TRPV3: variants seen among roughly 807,000 people sequenced by gnomAD.
TRPV3 encodes VRL-3.
In TRPV3, 88 loss-of-function variants were observed where a neutral mutation model predicts 87.1. The ratio of observed to expected loss-of-function variants is 1.01; its 90% CI spans 0.85 to 1.21. The LOEUF is 1.21. Ranked by LOEUF, TRPV3 falls within the 50% of genes most tolerant of loss-of-function variation. TRPV3 has a pLI of 0.00. For synonymous variants in TRPV3, 438 were observed against 423.3 expected, an observed-to-expected ratio of 1.03 and a Z score of -0.43; for missense variants, 1,054 against 1,030.1, an observed-to-expected ratio of 1.02 and a Z score of -0.32.
At chr17:3,547,829 C>T (rs1021998860) in intron 2 of TRPV3, among the ~76,000 whole-genome samples, 31 of 152,304 alleles carry the variant, frequency 2.0e-4, no homozygotes, top group African/African-American at 7.5e-4. Context: ...GAAGGAGAGA[C>T]GCTGGCCTAT....
chr17:3,535,579 A>G lies in TRPV3; in HGVS notation c.778T>C (p.Tyr260His). 6.2e-7 allele frequency: 1 copy of G among 1,600,378 alleles called. No homozygotes were observed. ...GGGCGGGGGCGGCACCCACCGAAGT[A>G]GAAGCCTTCGTGTTGGTACTTGGGG... is the stretch of plus-strand genomic sequence containing the variant. ...FNPKYQHEGF[Y>H]FGETPLALAA... Residue 260 changes from tyrosine (Y) to histidine (H), a missense_variant, in exon 7 of 18, where the codon TAC (tyrosine) becomes CAC (histidine). By Grantham distance (83) the Tyr-to-His change is moderately conservative. Coordinates refer to ENST00000576742, the MANE Select transcript of TRPV3 (RefSeq NM_145068.4).
At chr17:3,541,192 C>T (rs1012229115) in intron 6 of TRPV3, among the ~76,000 whole-genome samples, 2 of 152,006 alleles carry the variant, frequency 1.3e-5, no homozygotes, top group South Asian at 4.2e-4. Context: ...ATGGTGAAAC[C>T]CCGTCTCTAC....
In TRPV3 at chr17:3,513,830, C is replaced by T. The variant is rs1382949632; in HGVS notation, c.*87G>A. The T allele has an allele frequency of 4.2e-6, 5 of 1,182,514 alleles. No homozygotes were observed. The highest frequency in any genetic ancestry group is 4.7e-5 in the East Asian group (2 of 42,474). The allele number at this position is 1,182,514 out of a possible 1,614,324, so 73.3% of individuals were successfully genotyped here. On this transcript the variant is annotated 3_prime_UTR_variant, in exon 18 of 18. Transcript: ENST00000576742. ...CTAGGCCAGCAGAGCCGGACTCCAC[C>T]ATCCCTCAAAGCCTCTCTGCACAGA...
chr17:3,527,277 G>A (rs778748207), intron 11 of TRPV3, among the ~76,000 whole-genome samples: 5 of 152,058 alleles, frequency 3.3e-5, no homozygotes, highest in Non-Finnish European at 7.4e-5. Flanking sequence ...TATCCACCCT[G>A]TAATGACCTT....
intron 13 of TRPV3, among the ~76,000 whole-genome samples, chr17:3,523,114 A>T (rs185233340): frequency 1.3e-5 from 2 of 152,274 alleles, no homozygotes; most frequent in Admixed American, 6.5e-5. Context: ...TCTAGATCTA[A>T]ATGATTTAAG....
At chr17:3,519,904 AGATGGATGGATGGATG>A (rs59068738) in intron 14 of TRPV3, among the ~76,000 whole-genome samples, 12 of 113,520 alleles carry the variant, frequency 1.1e-4, no homozygotes, top group African/African-American at 3.9e-4. Context: ...ATGGATGATT[AGATGGATGGATGGATG>A]GATGGATGGA....
chr17:3,530,206 G>C lies in TRPV3; in HGVS notation c.1066-3C>G. On this transcript the variant is annotated splice_region_variant and splice_polypyrimidine_tract_variant and intron_variant, in intron 8 of 17. Coordinates refer to ENST00000576742, the MANE Select transcript of TRPV3 (RefSeq NM_145068.4). This position sits in a 1 kb window ranked among gnomAD's most constrained non-coding sequence, Gnocchi z 4.0. ...CGACTGAGGATGTACTTCAGGATCT[G>C]GGACAGGAGGAGGAACAACCATCAG... The C allele has an allele frequency of 6.2e-7, 1 of 1,609,128 alleles. No homozygotes were observed. Among genetic ancestry groups the C allele is most frequent in the Non-Finnish European group, 8.5e-7 (1 of 1,176,992 alleles).
intron 6 of TRPV3, among the ~76,000 whole-genome samples, chr17:3,536,488 T>A (rs1302070792): frequency 6.6e-6 from 1 of 152,166 alleles, no homozygotes; most frequent in Non-Finnish European, 1.5e-5. Context: ...CTTGGGAGGC[T>A]GAGGCAGGAG....
In TRPV3 at chr17:3,525,312, G is replaced by A. The variant is rs567177256; in HGVS notation, c.1578-949C>T. Among the ~76,000 whole-genome samples, 89 of 152,162 alleles carry A rather than the reference G, an allele frequency of 5.8e-4. 1 individual carries two copies. The highest frequency in any genetic ancestry group is 1.1e-3 in the Non-Finnish European group (72 of 68,032). On this transcript the variant is annotated intron_variant, in intron 12 of 17. Coordinates refer to ENST00000576742, the MANE Select transcript of TRPV3 (RefSeq NM_145068.4). ...TGGGATTACAGGCGTGAGCCAACGC[G>A]CCCAGCATTAAATCTTTTTAAAGTA...
At chr17:3,550,520 CTTT>C (rs35400667) in intron 2 of TRPV3, among the ~76,000 whole-genome samples, 2 of 92,182 alleles carry the variant, frequency 2.2e-5, no homozygotes, top group East Asian at 3.3e-4. Context: ...CCTGCCTGCT[CTTT>C]TTTTTTTTTT....
chr17:3,549,946 T>C (rs1413283934), intron 2 of TRPV3, among the ~76,000 whole-genome samples: 2 of 133,870 alleles, frequency 1.5e-5, no homozygotes, highest in Non-Finnish European at 3.2e-5. Flanking sequence ...ACAGATGATG[T>C]ATGGATGGAT....
chr17:3,524,769 C>T (rs371550641), intron 12 of TRPV3, among the ~76,000 whole-genome samples: 2 of 136,540 alleles, frequency 1.5e-5, no homozygotes, highest in African/African-American at 5.6e-5. Flanking sequence ...GCCAGGAGTT[C>T]AGGACCAGCC....
Position 3,516,476 on chromosome 17 carries a change from C to A in TRPV3, c.2179G>T (p.Asp727Tyr). The change falls in exon 16 of 18, where the codon GAT becomes TAT. Residue 727 changes from aspartate to tyrosine, a missense_variant. By Grantham distance (160) the Asp-to-Tyr change is radical. Transcript: ENST00000576742. ...MGELCKVAED[D>Y]FRLCLRINEV... is the part of the protein sequence containing the mutation. ...TGTTACCGCAAACACAGTCGGAAAT[C>A]ATCCTCGGCCACTTTGCACAGCTCT... The A allele has an allele frequency of 6.2e-7, 1 of 1,614,102 alleles. No individual in the cohort carries two copies. The highest frequency in any genetic ancestry group is 8.5e-7 in the Non-Finnish European group (1 of 1,179,972).
At chr17:3,538,264 GACAA>G (rs1384850173) in intron 6 of TRPV3, among the ~76,000 whole-genome samples, 3 of 151,872 alleles carry the variant, frequency 2.0e-5, no homozygotes, top group South Asian at 2.1e-4. Context: ...TCAATAGAAA[GACAA>G]ACAGTCTAAA....
rs763160386 is a variant in TRPV3, at chr17:3,532,835, C to T, written c.887G>A (p.Gly296Asp). 23 of 1,614,142 alleles carry T rather than the reference C, an allele frequency of 1.4e-5. No homozygotes were observed. The highest frequency in any genetic ancestry group is 1.9e-5 in the Non-Finnish European group (23 of 1,180,056). ...CACCAGGGCGTGAAGGATGTTGTTG[C>T]CTCGTGAGTCCCGCGAGGTGATGTC... ...QTDITSRDSR[G>D]NNILHALVTV... The change falls in exon 8 of 18, where the codon GGC becomes GAC. Residue 296 changes from glycine to aspartate, a missense_variant. Coordinates refer to ENST00000576742, the MANE Select transcript of TRPV3 (RefSeq NM_145068.4).
chr17:3,522,823 A>C (rs548279108), intron 13 of TRPV3, among the ~76,000 whole-genome samples: 30 of 148,628 alleles, frequency 2.0e-4, no homozygotes, highest in African/African-American at 4.7e-4. Flanking sequence ...TCACAAACAA[A>C]AAAAAAAAAA....
At chr17:3,527,419 T>C (rs767449403) in intron 11 of TRPV3, among the ~76,000 whole-genome samples, 2 of 152,186 alleles carry the variant, frequency 1.3e-5, no homozygotes, top group African/African-American at 4.8e-5. Flanking sequence ...TGAACCCAGC[T>C]TAGGGTCTTT....
At chr17:3,521,955 G>A (rs2074250173) in intron 13 of TRPV3, among the ~76,000 whole-genome samples, 1 of 151,942 alleles carries the variant, frequency 6.6e-6, no homozygotes, top group African/African-American at 2.4e-5. Context: ...ACACACCTGT[G>A]ATCCCAGCTA....
chr17:3,519,137 T>C (rs2074209841), intron 14 of TRPV3, among the ~76,000 whole-genome samples: 1 of 152,214 alleles, frequency 6.6e-6, no homozygotes, highest in South Asian at 2.1e-4. Context: ...TTATAATCCA[T>C]GTGTGTGTCC....
Sources: allele counts gnomAD v4.1 joint callset (sites outside exome capture counted in the v4.1 genomes callset), GRCh38; gene constraint gnomAD v4.1.1; non-coding constraint Gnocchi (gnomAD v3.1); transcripts MANE v1.5; gene names NCBI Gene and HGNC (gene_info 2026-07-23, HGNC 2026-07-21).